The following ASCC3 variants were observed in gnomAD, a reference collection of about 807,000 sequenced individuals.
ASCC3 encodes the protein activating signal cointegrator 1 complex subunit 3, also known as ASC-1 complex subunit P200.
Under a neutral mutation model 256.3 loss-of-function variants are expected in ASCC3, and 158 were observed. That is an observed-to-expected ratio of 0.62 (90% CI 0.54 to 0.70). The LOEUF is 0.70. Ranked by LOEUF, ASCC3 falls within the 30% of genes least tolerant of loss-of-function variation. The probability of loss-of-function intolerance (pLI) is 0.00; values close to 1 mark genes in which losing one functional copy is unlikely to be tolerated. For missense variants in ASCC3, 2,259 were observed against 2,626.0 expected (o/e 0.86, Z 3.05); for synonymous variants, 948 against 883.4 (o/e 1.07, Z -1.30).
At chr6:100,563,845 ATAT>A (rs879781838) in intron 36 of ASCC3, among the ~76,000 whole-genome samples, 12 of 152,296 alleles carry the variant, frequency 7.9e-5, no homozygotes, top group Admixed American at 5.9e-4. Flanking sequence ...CGATATTAAA[ATAT>A]TATTACTAAT....
At chr6:100,837,217 AAAAC>A (rs1276186631) in intron 4 of ASCC3, among the ~76,000 whole-genome samples, 2 of 152,112 alleles carry the variant, frequency 1.3e-5, no homozygotes, top group Admixed American at 6.6e-5. Flanking sequence ...AAAAAGACAA[AAAAC>A]AAACGAACAA....
intron 23 of ASCC3, among the ~76,000 whole-genome samples, chr6:100,643,050 T>C (rs1337236559): frequency 6.6e-6 from 1 of 152,196 alleles, no homozygotes; most frequent in Non-Finnish European, 1.5e-5. Flanking sequence ...TTCAATTACA[T>C]AACTTCATGA....
At chr6:100,673,188 A>G (rs1776839473) in intron 14 of ASCC3, among the ~76,000 whole-genome samples, 1 of 152,108 alleles carries the variant, frequency 6.6e-6, no homozygotes, top group Non-Finnish European at 1.5e-5. Flanking sequence ...AGAGGACCCT[A>G]ATTAGAAAAA....
At chr6:100,564,811 T>C (rs1425157078) in intron 36 of ASCC3, among the ~76,000 whole-genome samples, 2 of 152,046 alleles carry the variant, frequency 1.3e-5, no homozygotes, top group Admixed American at 1.3e-4. Context: ...AAGGAAAAAC[T>C]AGAGGAACTA....
chr6:100,562,420 T>C (rs1247232341), intron 36 of ASCC3, among the ~76,000 whole-genome samples: 1 of 152,102 alleles, frequency 6.6e-6, no homozygotes. Context: ...GACTAGAGTC[T>C]GCTAAGAATT....
chr6:100,666,967 A>G (rs1256471863), intron 14 of ASCC3, among the ~76,000 whole-genome samples: 2 of 152,212 alleles, frequency 1.3e-5, no homozygotes, highest in African/African-American at 4.8e-5. Context: ...AGCTTTGGAT[A>G]ATTTGCAGAC....
chr6:100,575,704 G>A (rs957462079), intron 36 of ASCC3, among the ~76,000 whole-genome samples: 4 of 151,992 alleles, frequency 2.6e-5, no homozygotes, highest in Non-Finnish European at 2.9e-5. Flanking sequence ...CATAACAACC[G>A]AGTGTACGTT....
intron 8 of ASCC3, among the ~76,000 whole-genome samples, chr6:100,772,781 A>C (rs1203005335): frequency 2.0e-5 from 3 of 152,176 alleles, no homozygotes; most frequent in Non-Finnish European, 4.4e-5. Flanking sequence ...CACTACTTGC[A>C]ATATAACTTT....
intron 37 of ASCC3, chr6:100,530,842 G>T: frequency 8.0e-7 from 1 of 1,249,502 alleles, no homozygotes; most frequent in South Asian, 1.2e-5. Flanking sequence ...CTTAATAGAA[G>T]ATTTAAATTC....
chr6:100,772,822 T>C (rs1782007886), intron 8 of ASCC3, among the ~76,000 whole-genome samples: 1 of 152,216 alleles, frequency 6.6e-6, no homozygotes, highest in African/African-American at 2.4e-5. Flanking sequence ...AATTTTATTT[T>C]CTCCTCTGCA....
chr6:100,602,844 A>G (rs557105995), intron 33 of ASCC3, among the ~76,000 whole-genome samples: 12 of 152,226 alleles, frequency 7.9e-5, no homozygotes, highest in Admixed American at 7.9e-4. Context: ...AAGCTAAGTA[A>G]AACTATAATT....
intron 36 of ASCC3, among the ~76,000 whole-genome samples, chr6:100,547,114 C>T (rs1769011595): frequency 6.6e-6 from 1 of 151,926 alleles, no homozygotes; most frequent in Non-Finnish European, 1.5e-5. Flanking sequence ...GGCTCAAAGG[C>T]AAAGCAGGGG....
At chr6:100,828,886 T>A (rs1771471339) in intron 4 of ASCC3, among the ~76,000 whole-genome samples, 1 of 151,978 alleles carries the variant, frequency 6.6e-6, no homozygotes, top group African/African-American at 2.4e-5. Flanking sequence ...CTGCTTTTAT[T>A]CTCTTATCTG....
At chr6:100,754,210 A>G (rs979316261) in intron 10 of ASCC3, among the ~76,000 whole-genome samples, 5 of 152,222 alleles carry the variant, frequency 3.3e-5, no homozygotes, top group Non-Finnish European at 5.9e-5. Context: ...ACAAGAAATT[A>G]TAAGTGTTGA....
chr6:100,757,704 A>G (rs1268191254), intron 10 of ASCC3, among the ~76,000 whole-genome samples: 2 of 152,206 alleles, frequency 1.3e-5, no homozygotes, highest in African/African-American at 4.8e-5. Context: ...GACAAAATGC[A>G]TGAAACAGAC....
At chr6:100,756,248 G>T (rs1781174470) in intron 10 of ASCC3, among the ~76,000 whole-genome samples, 1 of 151,052 alleles carries the variant, frequency 6.6e-6, no homozygotes, top group African/African-American at 2.4e-5. Flanking sequence ...AAAAATACAG[G>T]TAGAATACTT....
chr6:100,527,733 A>C (rs949679896), intron 37 of ASCC3, among the ~76,000 whole-genome samples: 1 of 152,276 alleles, frequency 6.6e-6, no homozygotes, highest in East Asian at 1.9e-4. Flanking sequence ...ATTTTTAATG[A>C]AAAATACCCA....
intron 34 of ASCC3, among the ~76,000 whole-genome samples, chr6:100,599,280 T>C (rs1772470481): frequency 6.6e-6 from 1 of 152,156 alleles, no homozygotes; most frequent in Non-Finnish European, 1.5e-5. Flanking sequence ...TCTTGCTGAA[T>C]AGACATAATT....
chr6:100,786,342 C>T (rs1270032662), intron 8 of ASCC3, among the ~76,000 whole-genome samples: 1 of 152,034 alleles, frequency 6.6e-6, no homozygotes, highest in African/African-American at 2.4e-5. Context: ...TCCAAAAATT[C>T]CCATTGAGGA....
Sources: allele counts gnomAD v4.1 joint callset (sites outside exome capture counted in the v4.1 genomes callset), GRCh38; gene constraint gnomAD v4.1.1; transcripts MANE v1.5; gene names NCBI Gene and HGNC (gene_info 2026-07-23, HGNC 2026-07-21).